ZNF124: variants seen among roughly 807,000 people sequenced by gnomAD.
The protein encoded by ZNF124 is zinc finger protein 124, also known as zinc finger protein HZF-16.
ZNF124 carries 25 observed loss-of-function variants against 26.6 expected under a neutral mutation model. The observed-to-expected ratio is 0.94, with a 90% confidence interval of 0.68 to 1.31. The LOEUF is 1.31. Among genes scored for constraint, ZNF124 ranks in the 40% most tolerant of loss-of-function variants. The pLI is 0.00. For missense variants in ZNF124, 444 were observed against 422.2 expected, an observed-to-expected ratio of 1.05 and a Z score of -0.45; for synonymous variants, 129 against 133.3, an observed-to-expected ratio of 0.97 and a Z score of 0.22.
In ZNF124 at chr1:247,144,186, G is replaced by A. The variant is rs141519326; in HGVS notation, c.218+14820C>T. On this transcript the variant is annotated intron_variant, in intron 3 of 3. Transcript: ENST00000472531. The stretch of plus-strand genomic sequence containing the variant: ...CTCCATATCTCCTGAGGTCTCAGTT[G>A]TTTACTCTGCGGGTTTCGGGTAGCT... Among the ~76,000 whole-genome samples the A allele has an allele frequency of 2.0e-4, 30 of 152,286 alleles. No individual in the cohort carries two copies. In the East Asian group the frequency reaches 5.8e-3, roughly 29 times the overall value.
At chr1:247,170,166 G>A (rs1257567525) in intron 1 of ZNF124, among the ~76,000 whole-genome samples, 1 of 135,512 alleles carries the variant, frequency 7.4e-6, no homozygotes, top group African/African-American at 2.9e-5. Flanking sequence ...GAAGACAAAA[G>A]GAGGAGAGGT....
chr1:247,147,629 T>C (rs915161484), intron 3 of ZNF124, among the ~76,000 whole-genome samples: 17 of 152,232 alleles, frequency 1.1e-4, no homozygotes, highest in African/African-American at 4.1e-4. Flanking sequence ...CCTCTGTCTT[T>C]GCAGCTAACA....
chr1:247,165,066 A>G (rs1488842685), intron 1 of ZNF124, among the ~76,000 whole-genome samples: 1 of 151,896 alleles, frequency 6.6e-6, no homozygotes, highest in Non-Finnish European at 1.5e-5. Flanking sequence ...GCCCCGGTTC[A>G]TGCCATTCTC....
At chr1:247,136,611 C>A (rs748201740) in intron 3 of ZNF124, among the ~76,000 whole-genome samples, 6 of 152,170 alleles carry the variant, frequency 3.9e-5, no homozygotes, top group Non-Finnish European at 8.8e-5. Flanking sequence ...ATCAAACTAC[C>A]ATTGACATTC....
chr1:247,130,024 G>C, intron 3 of ZNF124, among the ~76,000 whole-genome samples: 1 of 152,140 alleles, frequency 6.6e-6, no homozygotes, highest in African/African-American at 2.4e-5. Context: ...TTCAGGAGAT[G>C]GGATGGTCTG....
At chr1:247,142,572 G>A (rs981123083) in intron 3 of ZNF124, among the ~76,000 whole-genome samples, 4 of 152,110 alleles carry the variant, frequency 2.6e-5, no homozygotes, top group Non-Finnish European at 4.4e-5. Context: ...CTCCCAGGCC[G>A]AGTCCTCAGA....
intron 3 of ZNF124, 65 bp from the exon 4 acceptor site, chr1:247,157,468 T>G (rs1558386537): frequency 6.8e-7 from 1 of 1,475,278 alleles, no homozygotes; most frequent in Non-Finnish European, 9.3e-7. Context: ...GGTTTTACTC[T>G]AGCAGGAATT....
chr1:247,145,732 G>A (rs1025410616), intron 3 of ZNF124, among the ~76,000 whole-genome samples: 1 of 151,848 alleles, frequency 6.6e-6, no homozygotes, highest in African/African-American at 2.4e-5. Context: ...GGGTTCAAGC[G>A]ATTCTCCTGC....
At chr1:247,147,119 A>T (rs1027737884) in intron 3 of ZNF124, among the ~76,000 whole-genome samples, 1 of 150,770 alleles carries the variant, frequency 6.6e-6, no homozygotes, top group South Asian at 2.1e-4. Context: ...AATTTCAGCT[A>T]ATTACTTTTA....
At chr1:247,141,827 C>T (rs1355646174) in intron 3 of ZNF124, among the ~76,000 whole-genome samples, 2 of 152,346 alleles carry the variant, frequency 1.3e-5, no homozygotes, top group East Asian at 1.9e-4. Flanking sequence ...GCTGCCAGTT[C>T]TGAAAAGCCT....
intron 3 of ZNF124, among the ~76,000 whole-genome samples, chr1:247,139,084 T>G (rs1479563041): frequency 6.6e-6 from 1 of 152,222 alleles, no homozygotes; most frequent in Non-Finnish European, 1.5e-5. Context: ...ATCTTACATA[T>G]GTTAATTGAT....
At chr1:247,151,872 C>A (rs1672956352), downstream of ZNF124, among the ~76,000 whole-genome samples, 1 of 151,340 alleles carries the variant, frequency 6.6e-6, no homozygotes, top group South Asian at 2.1e-4. Context: ...AAACAACCTA[C>A]TGGATTTTAA....
intron 3 of ZNF124, among the ~76,000 whole-genome samples, chr1:247,131,356 G>A (rs1406446295): frequency 3.9e-5 from 6 of 152,116 alleles, no homozygotes; most frequent in Admixed American, 2.0e-4. Flanking sequence ...GAGGCCTGCC[G>A]TCCCAACCCT....
In ZNF124 at chr1:247,143,987, C is replaced by G. The variant is rs116977549; in HGVS notation, c.218+15019G>C. Among the ~76,000 whole-genome samples the G allele has an allele frequency of 5.8e-4, 88 of 152,258 alleles. No homozygotes were observed. In the East Asian group the frequency reaches 7.9e-3, roughly 14 times the overall value. ...ATCACAGAGAGAGATAGAACAATCC[C>G]AAAGGACCGTGAAGGGTGATGTGGA... is the stretch of plus-strand genomic sequence containing the variant. On this transcript the variant is annotated intron_variant, in intron 3 of 3. Coordinates refer to the ZNF124 transcript ENST00000472531.
At chr1:247,159,979 CTT>C (rs1212199135) in intron 1 of ZNF124, 166 bp from the exon 2 acceptor site, 6,351 of 146,030 alleles carry the variant, frequency 0.043, 5 homozygotes, top group South Asian at 0.096. Context: ...CATAGCAGTT[CTT>C]TTTTTTTTTT....
chr1:247,150,630 A>G (rs1672904093), downstream of ZNF124, among the ~76,000 whole-genome samples: 1 of 152,164 alleles, frequency 6.6e-6, no homozygotes, highest in Non-Finnish European at 1.5e-5. Flanking sequence ...GATTTCTTAA[A>G]TAAAACAAAA....
Position 247,156,910 on chromosome 1 carries a change from C to A in ZNF124, c.712G>T (p.Glu238Ter). The A allele has an allele frequency of 6.2e-7, 1 of 1,613,980 alleles. No homozygotes were observed. The highest frequency in any genetic ancestry group is 8.5e-7 in the Non-Finnish European group (1 of 1,179,998). Reference sequence around the variant, plus strand: ...AGACAACTGAAAGCTTTGCCACATTCCATGCACACATAAGGTTTCTCTCCA... The same window carrying A: ...AGACAACTGAAAGCTTTGCCACATTACATGCACACATAAGGTTTCTCTCCA... ...HTGEKPYVCM[E>*]CGKAFSCLSS... is the part of the protein sequence containing the mutation. Residue 238 changes from glutamate (E) to a stop codon, truncating the protein, a stop_gained, in exon 4 of 4, where the codon GAA becomes TAA. Coordinates refer to ENST00000543802, the MANE Select transcript of ZNF124 (RefSeq NM_001297568.2). LOFTEE classifies it high-confidence loss of function.
intron 3 of ZNF124, among the ~76,000 whole-genome samples, chr1:247,149,175 C>T (rs61619385): frequency 8.7e-4 from 132 of 152,174 alleles, no homozygotes; most frequent in African/African-American, 3.0e-3. Context: ...AACGCTTATA[C>T]AAGATGTGGG....
At chr1:247,132,063 AAGG>A (rs766185162) in intron 3 of ZNF124, among the ~76,000 whole-genome samples, 23 of 152,164 alleles carry the variant, frequency 1.5e-4, no homozygotes, top group Non-Finnish European at 3.2e-4. Flanking sequence ...GAAGTCCCAG[AAGG>A]AGGAGCAGGC....
Sources: gnomAD v4.1 joint callset for allele counts (sites outside exome capture counted in the v4.1 genomes callset) on GRCh38, gnomAD v4.1.1 for gene constraint, MANE v1.5 for transcripts, NCBI Gene and HGNC (gene_info 2026-07-23, HGNC 2026-07-21) for gene names.